Variants in HDAC9 observed in about 807,000 individuals in gnomAD.
HDAC9 encodes histone deacetylase 9.
HDAC9 carries 41 observed loss-of-function variants against 139.4 expected under a neutral mutation model. The observed-to-expected ratio is 0.29, with a 90% CI of 0.23 to 0.38. The LOEUF (loss-of-function observed/expected upper bound fraction) is 0.38. Among genes scored for constraint, HDAC9 ranks in the 10% least tolerant of loss-of-function variants. The probability of loss-of-function intolerance (pLI) is 1.00; values close to 1 mark genes in which losing one functional copy is unlikely to be tolerated. For missense variants in HDAC9, 1,147 were observed against 1,297.0 expected, an observed-to-expected ratio of 0.88 and a Z score of 1.78; for synonymous variants, 517 against 476.2, an observed-to-expected ratio of 1.09 and a Z score of -1.12.
At chr7:18,516,457 A>G (rs938197832) in intron 2 of HDAC9, among the ~76,000 whole-genome samples, 1 of 152,098 alleles carries the variant, frequency 6.6e-6, no homozygotes, top group African/African-American at 2.4e-5. Context: ...TCAATATCCT[A>G]TTTACTTAAG....
intron 16 of HDAC9, among the ~76,000 whole-genome samples, chr7:18,788,482 C>A (rs867571465): frequency 6.6e-6 from 1 of 152,074 alleles, no homozygotes; most frequent in African/African-American, 2.4e-5. Context: ...TGGCTGAACG[C>A]GGTGGTTCAC....
chr7:18,195,183 CTT>C (rs1206613029), intron 2 of HDAC9, among the ~76,000 whole-genome samples: 5 of 152,120 alleles, frequency 3.3e-5, no homozygotes, highest in Non-Finnish European at 4.4e-5. Context: ...CAATAGACCT[CTT>C]TGTGTATCTG....
intron 6 of HDAC9, among the ~76,000 whole-genome samples, chr7:18,627,938 A>C (rs1309665953): frequency 6.6e-6 from 1 of 151,876 alleles, no homozygotes; most frequent in African/African-American, 2.4e-5. Context: ...GAAAACATAT[A>C]ATGCAAGAGT....
At chr7:18,800,329 C>A (rs1361623429) in intron 17 of HDAC9, among the ~76,000 whole-genome samples, 1 of 152,150 alleles carries the variant, frequency 6.6e-6, no homozygotes, top group African/African-American at 2.4e-5. Context: ...TTCTTCCTCA[C>A]TAGATCTTGA....
At chr7:18,369,875 T>C in intron 1 of HDAC9, among the ~76,000 whole-genome samples, 1 of 152,078 alleles carries the variant, frequency 6.6e-6, no homozygotes. Flanking sequence ...GGAAATAAAG[T>C]TTATAGAGAA....
chr7:18,601,701 G>A (rs951580586), intron 6 of HDAC9, among the ~76,000 whole-genome samples: 1 of 152,078 alleles, frequency 6.6e-6, no homozygotes, highest in African/African-American at 2.4e-5. Context: ...GTTTTGTCAA[G>A]TCTCTTTTCT....
intron 22 of HDAC9, among the ~76,000 whole-genome samples, chr7:18,932,497 A>G (rs192832095): frequency 1.3e-5 from 2 of 152,278 alleles, no homozygotes; most frequent in Admixed American, 1.3e-4. Context: ...GAAGTTGTTG[A>G]CTACCCTGGG....
rs545045158 is a variant in HDAC9, at chr7:18,127,583, A to G, written c.-96-34646A>G. ...CTGGTTTTCAAAGTGTCTAGTGACT[A>G]TTTTAAAAAAGGAATAGGATTAGCC... On this transcript the variant is annotated intron_variant, in intron 1 of 12. Transcript: ENST00000417496. Among the ~76,000 whole-genome samples the G allele has an allele frequency of 1.6e-4, 25 of 152,226 alleles. No individual in the cohort carries two copies. In the South Asian group the frequency reaches 4.3e-3, roughly 26 times the overall value.
intron 12 of HDAC9, among the ~76,000 whole-genome samples, chr7:18,685,514 C>G (rs1342252195): frequency 6.6e-6 from 1 of 152,052 alleles, no homozygotes; most frequent in Non-Finnish European, 1.5e-5. Flanking sequence ...ATAGCCACAG[C>G]TTTCTTGACA....
chr7:18,496,415 A>G, intron 2 of HDAC9, 91 bp downstream of exon 2: 1 of 1,137,284 alleles, frequency 8.8e-7, no homozygotes, highest in South Asian at 1.3e-5. Context: ...TCTTAAGGAA[A>G]TTGCTGCTTT....
At chr7:18,126,169 G>T (rs1784655041) in intron 1 of HDAC9, among the ~76,000 whole-genome samples, 2 of 151,996 alleles carry the variant, frequency 1.3e-5, no homozygotes, top group South Asian at 4.1e-4. Flanking sequence ...GGTTGAACTT[G>T]TACAAGCTTT....
At chr7:18,503,037 G>A (rs938518451) in intron 2 of HDAC9, among the ~76,000 whole-genome samples, 1 of 151,870 alleles carries the variant, frequency 6.6e-6, no homozygotes, top group African/African-American at 2.4e-5. Flanking sequence ...TTTACAATAT[G>A]GAATGATAAG....
At chr7:18,414,642 T>G (rs1452361776) in intron 1 of HDAC9, among the ~76,000 whole-genome samples, 3 of 152,180 alleles carry the variant, frequency 2.0e-5, no homozygotes, top group African/African-American at 4.8e-5. Context: ...CCAAGTTACA[T>G]TGCCTGTTCT....
At chr7:18,771,599 A>G (rs1457157506) in intron 16 of HDAC9, among the ~76,000 whole-genome samples, 1 of 152,042 alleles carries the variant, frequency 6.6e-6, no homozygotes. Context: ...ATACACATAC[A>G]TAATCAGGAG....
chr7:18,698,271 C>T (rs1050848987), intron 12 of HDAC9, among the ~76,000 whole-genome samples: 1 of 152,156 alleles, frequency 6.6e-6, no homozygotes, highest in Non-Finnish European at 1.5e-5. Flanking sequence ...TCTTAATGCT[C>T]TAAAACGCCC....
intron 12 of HDAC9, among the ~76,000 whole-genome samples, chr7:18,719,520 A>G (rs1784979813): frequency 1.3e-5 from 2 of 151,296 alleles, no homozygotes; most frequent in Admixed American, 6.6e-5. Context: ...TTGTATTTTT[A>G]GTTGAGATGT....
chr7:18,119,257 G>T (rs1023781511), intron 1 of HDAC9, among the ~76,000 whole-genome samples: 1 of 152,124 alleles, frequency 6.6e-6, no homozygotes, highest in African/African-American at 2.4e-5. Context: ...TTCCTTGCAA[G>T]TCTAGATACT....
chr7:18,838,307 G>T (rs1356392494), intron 21 of HDAC9, among the ~76,000 whole-genome samples: 2 of 152,036 alleles, frequency 1.3e-5, no homozygotes, highest in Non-Finnish European at 2.9e-5. Context: ...CAGATAAAAT[G>T]ATTAACTTGT....
Position 18,732,671 on chromosome 7 carries a change from A to G in HDAC9, c.1909+4914A>G, listed in dbSNP as rs868628016. Among the ~76,000 whole-genome samples the G allele has an allele frequency of 7.2e-4, 90 of 124,494 alleles. 10 individuals carry two copies. Among genetic ancestry groups the G allele is most frequent in the African/African-American group, 1.6e-3 (43 of 26,954 alleles). The allele number at this position is 124,494 out of a possible 152,430, so 81.7% of individuals were successfully genotyped here. ...TGTATATATACACACACACGTGTAT[A>G]TGTGTGCGTATGTGTACACACACAC... On this transcript the variant is annotated intron_variant, in intron 13 of 25. Transcript: ENST00000686413.
Sources: allele counts gnomAD v4.1 joint callset (sites outside exome capture counted in the v4.1 genomes callset), GRCh38; gene constraint gnomAD v4.1.1; transcripts MANE v1.5; gene names NCBI Gene and HGNC (gene_info 2026-07-23, HGNC 2026-07-21).